The following ZNF638 variants were observed in gnomAD, a reference collection of about 807,000 sequenced individuals.
The protein encoded by ZNF638 is CTCL tumor antigen se33-1.
A neutral mutation model predicts 195.6 loss-of-function variants in ZNF638; 46 were observed. The observed-to-expected ratio is 0.24, with a 90% CI of 0.19 to 0.30. ZNF638 has a LOEUF of 0.30. ZNF638 is among the 10% of genes least tolerant of loss of function. The pLI is 1.00. For synonymous variants in ZNF638, 845 were observed against 772.0 expected, an observed-to-expected ratio of 1.09 and a Z score of -1.57; for missense variants, 2,440 against 2,325.3, an observed-to-expected ratio of 1.05 and a Z score of -1.01.
In ZNF638 at chr2:71,423,530, A is replaced by T. The variant is rs554155463; in HGVS notation, c.4016A>T (p.Asp1339Val). The part of the protein sequence containing the change: ...EKAEKNEGRM[D>V]AEKVEKMAAM... Reference sequence around the variant, plus strand: ...GCTGAAAAGAATGAAGGTAGGATGGATGCAGAAAAGGTGGAAAAGATGGCA... The same window carrying T: ...GCTGAAAAGAATGAAGGTAGGATGGTTGCAGAAAAGGTGGAAAAGATGGCA... Residue 1339 changes from aspartate to valine, a missense_variant, in exon 22 of 28, where the codon GAT becomes GTT. Transcript: ENST00000264447. 121 of 1,613,980 alleles carry T rather than the reference A, an allele frequency of 7.5e-5. No individual in the cohort carries two copies. Among genetic ancestry groups the T allele is most frequent in the Admixed American group, 1.8e-4 (11 of 59,986 alleles).
chr2:71,402,152 T>A, intron 16 of ZNF638, 65 bp downstream of exon 16: 2 of 1,489,030 alleles, frequency 1.3e-6, no homozygotes, highest in Non-Finnish European at 1.8e-6. Flanking sequence ...AACATTAAAT[T>A]TACAAAACTA....
intron 1 of ZNF638, among the ~76,000 whole-genome samples, chr2:71,347,403 C>T (rs2078868266): frequency 1.3e-5 from 2 of 152,096 alleles, no homozygotes. Context: ...CAGATAAAGA[C>T]CATTTTCCCA....
intron 20 of ZNF638, among the ~76,000 whole-genome samples, chr2:71,410,069 T>G (rs568216378): frequency 6.6e-6 from 1 of 152,348 alleles, no homozygotes; most frequent in African/African-American, 2.4e-5. Context: ...TGATTGTTTT[T>G]AGCATCCAGA....
At chr2:71,402,152 T>G (rs1473038441) in intron 16 of ZNF638, 65 bp downstream of exon 16, 1 of 1,488,912 alleles carries the variant, frequency 6.7e-7, no homozygotes, top group Admixed American at 2.4e-5. Flanking sequence ...AACATTAAAT[T>G]TACAAAACTA....
At chr2:71,363,484 G>A (rs2079143112) in intron 4 of ZNF638, among the ~76,000 whole-genome samples, 1 of 152,134 alleles carries the variant, frequency 6.6e-6, no homozygotes, top group Non-Finnish European at 1.5e-5. Flanking sequence ...ATTAAGTTCT[G>A]TATCCCCTAG....
At position 71,371,832 on chromosome 2, in the gene ZNF638, A is replaced by G. The variant is rs374849422; in HGVS notation, c.2265+1827A>G. 2.0e-4 allele frequency among the ~76,000 whole-genome samples: 30 copies of G among 151,764 alleles called. 1 individual carries two copies. Among genetic ancestry groups the G allele is most frequent in the African/African-American group, 7.3e-4 (30 of 41,346 alleles). The stretch of plus-strand genomic sequence containing the variant: ...TGGTTATTAATCCCTTGTCAGATGG[A>G]TAGTTTGCAATTATTTTCTCTCATT... On this transcript the variant is annotated intron_variant, in intron 8 of 27. Coordinates refer to ENST00000264447, the MANE Select transcript of ZNF638 (RefSeq NM_014497.5).
chr2:71,366,412 A>G (rs1054136715), intron 6 of ZNF638, among the ~76,000 whole-genome samples: 3 of 152,170 alleles, frequency 2.0e-5, no homozygotes, highest in Admixed American at 6.5e-5. Flanking sequence ...CGTGTTTCCA[A>G]TAACTTTGAA....
chr2:71,418,012 G>T (rs1007848870), intron 20 of ZNF638, among the ~76,000 whole-genome samples: 3 of 152,142 alleles, frequency 2.0e-5, no homozygotes, highest in African/African-American at 7.2e-5. Context: ...TTGCCATTTT[G>T]TTCACTGATG....
intron 25 of ZNF638, among the ~76,000 whole-genome samples, chr2:71,430,193 C>G (rs2080628657): frequency 6.6e-6 from 1 of 151,594 alleles, no homozygotes; most frequent in Admixed American, 6.6e-5. Context: ...TTATTTTAAT[C>G]TATTTTAAAT....
At chr2:71,405,484 A>T (rs2080088450) in intron 17 of ZNF638, 117 bp from the exon 18 acceptor site, 1 of 638,336 alleles carries the variant, frequency 1.6e-6, no homozygotes, top group Non-Finnish European at 2.7e-6. Context: ...TCTTAATTTT[A>T]TAAAATACTT....
At chr2:71,389,036 CTTAG>C (rs1483411076) in intron 10 of ZNF638, among the ~76,000 whole-genome samples, 4 of 152,082 alleles carry the variant, frequency 2.6e-5, no homozygotes, top group Admixed American at 6.6e-5. Context: ...CCTTATGGGC[CTTAG>C]TTAGGGCTGC....
chr2:71,344,037 G>A (rs961182299), intron 1 of ZNF638, among the ~76,000 whole-genome samples: 4 of 152,238 alleles, frequency 2.6e-5, no homozygotes, highest in African/African-American at 9.6e-5. Context: ...GGGCGAGACA[G>A]GAGAATTGCT....
At chr2:71,354,999 C>A (rs1000507230) in intron 2 of ZNF638, among the ~76,000 whole-genome samples, 2 of 151,850 alleles carry the variant, frequency 1.3e-5, no homozygotes, top group East Asian at 1.9e-4. Context: ...GACAGAGTCT[C>A]GCTCTGTCGC....
At chr2:71,351,621 G>A (rs964059676) in intron 2 of ZNF638, among the ~76,000 whole-genome samples, 2 of 152,076 alleles carry the variant, frequency 1.3e-5, no homozygotes, top group African/African-American at 2.4e-5. Flanking sequence ...TTTAAATAAA[G>A]AACTTGAAGT....
intron 25 of ZNF638, among the ~76,000 whole-genome samples, chr2:71,429,930 T>C (rs1391243358): frequency 1.3e-5 from 2 of 152,184 alleles, no homozygotes; most frequent in African/African-American, 4.8e-5. Context: ...AACCAAGCTA[T>C]AGGTGGTGGT....
At chr2:71,405,200 G>T (rs537812696) in intron 17 of ZNF638, among the ~76,000 whole-genome samples, 1 of 152,094 alleles carries the variant, frequency 6.6e-6, no homozygotes, top group African/African-American at 2.4e-5. Context: ...CATCAAATCT[G>T]CATTTATGCT....
chr2:71,395,658 G>A, intron 10 of ZNF638: 1 of 507,376 alleles, frequency 2.0e-6, no homozygotes, highest in Non-Finnish European at 3.8e-6. Context: ...CATTAAATCT[G>A]TACTGAATAA....
At chr2:71,338,161 A>G (rs189019069) in intron 1 of ZNF638, among the ~76,000 whole-genome samples, 25 of 152,280 alleles carry the variant, frequency 1.6e-4, no homozygotes, top group Admixed American at 1.0e-3. Context: ...TAATCTCTGG[A>G]GAGACGTTTT....
At chr2:71,383,760 TTC>T (rs1233802736) in intron 10 of ZNF638, among the ~76,000 whole-genome samples, 3 of 86,012 alleles carry the variant, frequency 3.5e-5, no homozygotes, top group Non-Finnish European at 6.3e-5. Context: ...TTTTTTCTTT[TTC>T]TTTTTTTTTT....
Sources: allele counts gnomAD v4.1 joint callset (sites outside exome capture counted in the v4.1 genomes callset), GRCh38; gene constraint gnomAD v4.1.1; transcripts MANE v1.5; gene names NCBI Gene and HGNC (gene_info 2026-07-23, HGNC 2026-07-21).